The following MCPH1 variants were observed in gnomAD, a reference collection of about 807,000 sequenced individuals.
The protein encoded by MCPH1 is microcephalin 1, also known as microcephalin.
A neutral mutation model predicts 84.5 loss-of-function variants in MCPH1; 104 were observed. That is an observed-to-expected ratio of 1.23 (90% CI 1.05 to 1.45). The LOEUF is 1.45. Among genes scored for constraint, MCPH1 ranks in the 40% most tolerant of loss-of-function variants. The pLI is 0.00. For missense variants in MCPH1, 1,498 were observed against 1,005.7 expected (o/e 1.49, Z -6.62); for synonymous variants, 514 against 366.8 (o/e 1.40, Z -4.58).
intron 13 of MCPH1, 55 bp downstream of exon 13, chr8:6,621,746 T>A: frequency 1.2e-6 from 2 of 1,612,540 alleles, no homozygotes; most frequent in Non-Finnish European, 1.7e-6. Context: ...TGGACAGGTT[T>A]CCAGGGAGGG....
intron 12 of MCPH1, among the ~76,000 whole-genome samples, chr8:6,504,810 G>A (rs1271259736): frequency 6.6e-6 from 1 of 152,140 alleles, no homozygotes; most frequent in Non-Finnish European, 1.5e-5. Flanking sequence ...AACTTTGTAA[G>A]TATGTGTGAA....
chr8:6,474,495 T>G (rs1007222297), intron 9 of MCPH1, among the ~76,000 whole-genome samples: 3 of 152,140 alleles, frequency 2.0e-5, no homozygotes, highest in South Asian at 2.1e-4. Context: ...GCACTCCAGC[T>G]AGGGCAACAG....
intron 12 of MCPH1, among the ~76,000 whole-genome samples, chr8:6,547,970 C>T (rs548373435): frequency 6.6e-6 from 1 of 150,864 alleles, no homozygotes; most frequent in Non-Finnish European, 1.5e-5. Flanking sequence ...TTAATTTTAT[C>T]AGTGGCAGTG....
chr8:6,488,431 A>G (rs17077139), intron 11 of MCPH1, among the ~76,000 whole-genome samples: 6,823 of 152,334 alleles, frequency 0.045, 309 homozygotes, highest in African/African-American at 0.12. Context: ...AAAGTTTGAA[A>G]GAGTCAAAGT....
At chr8:6,618,987 G>C (rs1274572400) in intron 12 of MCPH1, 3 of 152,164 alleles carry the variant, frequency 2.0e-5, no homozygotes, top group Admixed American at 6.5e-5. Flanking sequence ...TTTCTGCTTT[G>C]CATCTGTTTA....
chr8:6,513,862 A>C (rs776449505), intron 12 of MCPH1: 1 of 1,589,204 alleles, frequency 6.3e-7, no homozygotes, highest in South Asian at 1.2e-5. Flanking sequence ...GCAAGTTGTT[A>C]AATTCAATTA....
intron 12 of MCPH1, among the ~76,000 whole-genome samples, chr8:6,601,493 A>T (rs1264106928): frequency 6.6e-6 from 1 of 150,612 alleles, no homozygotes; most frequent in Non-Finnish European, 1.5e-5. Context: ...TCCCGCCATG[A>T]CACCCCCTAC....
chr8:6,508,913 G>C, intron 12 of MCPH1: 1 of 1,613,918 alleles, frequency 6.2e-7, no homozygotes, highest in Non-Finnish European at 8.5e-7. Flanking sequence ...CAAATAGGAA[G>C]ACAGAAAGTC....
chr8:6,624,847 A>G, intron 13 of MCPH1: 1 of 984,248 alleles, frequency 1.0e-6, no homozygotes. Flanking sequence ...CTATTTGCTT[A>G]TTCTCTAACC....
In MCPH1 at chr8:6,598,060, C is replaced by T. The variant is rs756150626; in HGVS notation, c.2215-23394C>T. The stretch of plus-strand genomic sequence containing the variant: ...CCAACATCAGCTCAGCGGGCCTTCA[C>T]GTATTTAGTTATACTTGTGCCTCCG... On this transcript the variant is annotated intron_variant, in intron 12 of 13. Transcript: ENST00000344683. 2.0e-5 allele frequency among the ~76,000 whole-genome samples: 3 copies of T among 152,160 alleles called. 1 individual carries two copies. In the South Asian group the frequency reaches 6.2e-4, roughly 32 times the overall value.
intron 11 of MCPH1, among the ~76,000 whole-genome samples, chr8:6,489,319 G>A (rs758981669): frequency 1.3e-5 from 2 of 151,976 alleles, no homozygotes; most frequent in South Asian, 2.1e-4. Flanking sequence ...GGGGAAGGGG[G>A]AGGCAGGGGG....
At chr8:6,450,017 C>G (rs1804910618) in intron 8 of MCPH1, among the ~76,000 whole-genome samples, 3 of 151,920 alleles carry the variant, frequency 2.0e-5, no homozygotes, top group Non-Finnish European at 1.5e-5. Flanking sequence ...ATCTATACCC[C>G]ACTTGTCCAT....
chr8:6,493,090 G>C (rs570895375), intron 11 of MCPH1, among the ~76,000 whole-genome samples: 2 of 152,248 alleles, frequency 1.3e-5, no homozygotes, highest in African/African-American at 4.8e-5. Context: ...AGTTGCATTG[G>C]AATTTGTTAT....
intron 12 of MCPH1, chr8:6,562,623 A>G: frequency 5.8e-6 from 8 of 1,389,742 alleles, no homozygotes; most frequent in Non-Finnish European, 6.7e-6. Context: ...CATGTTCACA[A>G]AGACAGATGG....
chr8:6,625,129 C>A (rs1461619234), intron 13 of MCPH1: 1 of 921,514 alleles, frequency 1.1e-6, no homozygotes, highest in Non-Finnish European at 1.3e-6. Flanking sequence ...CCTGCCTCGG[C>A]CTCCCAAAGT....
chr8:6,525,169 G>C (rs1305404278), intron 12 of MCPH1, among the ~76,000 whole-genome samples: 1 of 151,976 alleles, frequency 6.6e-6, no homozygotes, highest in Non-Finnish European at 1.5e-5. Context: ...TACATATCTC[G>C]CCCATAAGCA....
At chr8:6,436,285 G>A (rs1253164947) in intron 5 of MCPH1, 123 bp downstream of exon 5, 1 of 1,105,376 alleles carries the variant, frequency 9.0e-7, no homozygotes, top group African/African-American at 1.6e-5. Context: ...TTTACTCTAT[G>A]AAGGAGAAAA....
At chr8:6,502,805 T>G (rs966741746) in intron 12 of MCPH1, 4 of 392,336 alleles carry the variant, frequency 1.0e-5, no homozygotes, top group African/African-American at 4.0e-5. Flanking sequence ...CATTCTTGGT[T>G]GTGACAGCAG....
At chr8:6,431,396 A>G in intron 3 of MCPH1, 103 bp from the exon 4 acceptor site, 4 of 834,962 alleles carry the variant, frequency 4.8e-6, no homozygotes, top group South Asian at 1.5e-5. Context: ...AAAATGACCT[A>G]GCTATGGATT....
Sources: gnomAD v4.1 joint callset for allele counts (sites outside exome capture counted in the v4.1 genomes callset) on GRCh38, gnomAD v4.1.1 for gene constraint, MANE v1.5 for transcripts, NCBI Gene and HGNC (gene_info 2026-07-23, HGNC 2026-07-21) for gene names.